Variants in SMYD3 observed in about 807,000 individuals in gnomAD.
SMYD3 encodes the protein histone-lysine N-methyltransferase SMYD3.
A neutral mutation model predicts 57.7 loss-of-function variants in SMYD3; 36 were observed. The observed-to-expected ratio is 0.62, with a 90% confidence interval of 0.48 to 0.82. SMYD3 has a LOEUF of 0.82. Among genes scored for constraint, SMYD3 ranks in the 40% least tolerant of loss-of-function variants. The probability of loss-of-function intolerance (pLI) is 0.00; values close to 1 mark genes in which losing one functional copy is unlikely to be tolerated. For missense variants in SMYD3, 515 were observed against 538.8 expected (o/e 0.96, Z 0.44); for synonymous variants, 211 against 195.0 (o/e 1.08, Z -0.68).
At chr1:245,982,047 C>T (rs2058608689) in intron 5 of SMYD3, among the ~76,000 whole-genome samples, 1 of 152,158 alleles carries the variant, frequency 6.6e-6, no homozygotes, top group Non-Finnish European at 1.5e-5. Context: ...TTTACATAGC[C>T]CAGAGACATT....
intron 5 of SMYD3, among the ~76,000 whole-genome samples, chr1:245,971,250 GAAC>G (rs1330371801): frequency 6.6e-6 from 1 of 152,148 alleles, no homozygotes; most frequent in Non-Finnish European, 1.5e-5. Context: ...TGCACAATGA[GAAC>G]ACGTGGACAC....
At chr1:246,156,412 C>T (rs2062024016) in intron 5 of SMYD3, among the ~76,000 whole-genome samples, 3 of 152,098 alleles carry the variant, frequency 2.0e-5, no homozygotes, top group South Asian at 2.1e-4. Flanking sequence ...TTTAGAATGA[C>T]ATCTGCTAAT....
intron 9 of SMYD3, among the ~76,000 whole-genome samples, chr1:245,862,947 A>C (rs1558434046): frequency 1.3e-5 from 2 of 152,162 alleles, no homozygotes; most frequent in African/African-American, 4.8e-5. Context: ...TATGTCCTTC[A>C]CCTTTAAAAC....
At chr1:245,909,090 C>G (rs1487835393) in intron 8 of SMYD3, among the ~76,000 whole-genome samples, 1 of 152,018 alleles carries the variant, frequency 6.6e-6, no homozygotes, top group South Asian at 2.1e-4. Flanking sequence ...GAAAAAGACT[C>G]AAATAAGTAA....
chr1:245,990,961 G>A (rs1258842392), intron 5 of SMYD3, among the ~76,000 whole-genome samples: 1 of 152,204 alleles, frequency 6.6e-6, no homozygotes, highest in Non-Finnish European at 1.5e-5. Context: ...TAAAAAAATT[G>A]TTATGTTTAT....
intron 10 of SMYD3, among the ~76,000 whole-genome samples, chr1:245,772,332 C>T (rs1450228938): frequency 6.6e-6 from 1 of 152,142 alleles, no homozygotes; most frequent in Non-Finnish European, 1.5e-5. Flanking sequence ...TAAAACCTTC[C>T]ACCAAATAGG....
intron 5 of SMYD3, among the ~76,000 whole-genome samples, chr1:246,271,352 G>C (rs1045829615): frequency 6.6e-6 from 1 of 151,996 alleles, no homozygotes; most frequent in African/African-American, 2.4e-5. Flanking sequence ...TTCCTTTGGT[G>C]TCATTCCCAA....
At chr1:246,037,361 T>C (rs1361275656) in intron 5 of SMYD3, among the ~76,000 whole-genome samples, 1 of 152,208 alleles carries the variant, frequency 6.6e-6, no homozygotes, top group Non-Finnish European at 1.5e-5. Flanking sequence ...ACTGCTCTTA[T>C]TATGAATGAG....
At chr1:245,841,604 G>A (rs563732707) in intron 10 of SMYD3, among the ~76,000 whole-genome samples, 5 of 151,824 alleles carry the variant, frequency 3.3e-5, no homozygotes, top group Non-Finnish European at 7.4e-5. Context: ...TTTACAAATT[G>A]GTGAAAGAAC....
chr1:245,835,918 G>A (rs2148401274), intron 10 of SMYD3, among the ~76,000 whole-genome samples: 3 of 152,202 alleles, frequency 2.0e-5, no homozygotes, highest in Admixed American at 2.0e-4. Context: ...CAGTGCCTGT[G>A]GGCAGGAATT....
intron 5 of SMYD3, among the ~76,000 whole-genome samples, chr1:246,183,875 A>G (rs2062592023): frequency 1.3e-5 from 2 of 152,228 alleles, no homozygotes; most frequent in Admixed American, 6.5e-5. Flanking sequence ...ATGCGGTAGA[A>G]ACAGCAGTGT....
rs1280178594 is a variant in SMYD3 at position 246,503,821 on chromosome 1, G to A, written c.164+3233C>T. 6.6e-5 allele frequency among the ~76,000 whole-genome samples: 10 copies of A among 152,154 alleles called. No homozygotes were observed. In the South Asian group the frequency reaches 1.9e-3, roughly 28 times the overall value. On this transcript the variant is annotated intron_variant, in intron 1 of 11. Coordinates refer to ENST00000490107, the MANE Select transcript of SMYD3 (RefSeq NM_001167740.2). ...CTACTAAAAATACAAAAATTAGCCA[G>A]GCGTGGTCTGTAATCCAAGCTATTA...
intron 5 of SMYD3, among the ~76,000 whole-genome samples, chr1:246,205,044 G>A (rs1418290593): frequency 4.6e-5 from 7 of 152,114 alleles, no homozygotes; most frequent in South Asian, 2.1e-4. Flanking sequence ...AACCCACTCC[G>A]AACTACACTG....
chr1:246,043,471 GGT>G (rs1475589091), intron 5 of SMYD3, among the ~76,000 whole-genome samples: 1 of 152,108 alleles, frequency 6.6e-6, no homozygotes, highest in Non-Finnish European at 1.5e-5. Context: ...ACCAAAACAA[GGT>G]GACTATTTTA....
At chr1:245,867,193 G>A (rs986017188) in intron 8 of SMYD3, among the ~76,000 whole-genome samples, 1 of 152,188 alleles carries the variant, frequency 6.6e-6, no homozygotes, top group African/African-American at 2.4e-5. Context: ...CAAAAGAGGA[G>A]GTCAGGGTGA....
At chr1:246,088,550 C>T (rs2147875084) in intron 5 of SMYD3, among the ~76,000 whole-genome samples, 1 of 140,494 alleles carries the variant, frequency 7.1e-6, no homozygotes, top group South Asian at 2.4e-4. Context: ...GCGGAGCTTG[C>T]AGTGAGCCGA....
chr1:245,838,466 C>T (rs1003836015), intron 10 of SMYD3, among the ~76,000 whole-genome samples: 3 of 152,192 alleles, frequency 2.0e-5, no homozygotes, highest in Non-Finnish European at 2.9e-5. Flanking sequence ...AGATGTGTGG[C>T]TTTGGGTGAG....
chr1:246,352,862 C>T (rs1260085249), intron 2 of SMYD3, among the ~76,000 whole-genome samples: 1 of 152,158 alleles, frequency 6.6e-6, no homozygotes, highest in African/African-American at 2.4e-5. Flanking sequence ...ATTAAGTAAA[C>T]TGTTTATTAA....
chr1:246,467,739 G>C (rs1259816762), intron 1 of SMYD3, among the ~76,000 whole-genome samples: 6 of 152,088 alleles, frequency 3.9e-5, no homozygotes, highest in Non-Finnish European at 7.4e-5. Flanking sequence ...GAAGAGGAGG[G>C]AATACTTCCA....
Sources: allele counts gnomAD v4.1 joint callset (sites outside exome capture counted in the v4.1 genomes callset), GRCh38; gene constraint gnomAD v4.1.1; transcripts MANE v1.5; gene names NCBI Gene and HGNC (gene_info 2026-07-23, HGNC 2026-07-21).